TENM2: variants seen among roughly 807,000 people sequenced by gnomAD.
TENM2 encodes teneurin-2.
In TENM2, 52 loss-of-function variants were observed where a neutral mutation model predicts 245.2. That is an observed-to-expected ratio of 0.21 (90% CI 0.17 to 0.27). The LOEUF is 0.27. Among genes scored for constraint, TENM2 ranks in the 10% least tolerant of loss-of-function variants. TENM2 has a pLI of 1.00. For synonymous variants in TENM2, 1,363 were observed against 1,438.9 expected (o/e 0.95, Z 1.19); for missense variants, 3,046 against 3,666.8 (o/e 0.83, Z 4.37).
chr5:168,017,223 A>G (rs1337588072), intron 5 of TENM2, among the ~76,000 whole-genome samples: 1 of 152,170 alleles, frequency 6.6e-6, no homozygotes, highest in Non-Finnish European at 1.5e-5. Flanking sequence ...TGGGCTTCAG[A>G]TCTGTTCAGA....
chr5:167,401,703 C>T (rs2127386826), intron 2 of TENM2, among the ~76,000 whole-genome samples: 1 of 152,102 alleles, frequency 6.6e-6, no homozygotes, highest in East Asian at 1.9e-4. Flanking sequence ...CTAAGAAAAC[C>T]CCTATTTTCC....
the TENM2 span, among the ~76,000 whole-genome samples, chr5:167,229,890 A>G: frequency 2.6e-5 from 4 of 152,306 alleles, no homozygotes; most frequent in Admixed American, 6.5e-5. Context: ...GAACAGCTTT[A>G]GGAAGACAGC....
At position 167,990,743 on chromosome 5, in the gene TENM2, C is replaced by A. The variant is rs114947412; in HGVS notation, c.948-2201C>A. On this transcript the variant is annotated intron_variant, in intron 4 of 28. Transcript: ENST00000518659. ...CTTCTAGGCTTTATTTTAACATTAG[C>A]TGTGTTAAATAATTCACTAATCAGA... Among the ~76,000 whole-genome samples, 838 of 152,278 alleles carry A rather than the reference C, an allele frequency of 5.5e-3. 7 individuals are homozygous for A. Among genetic ancestry groups the A allele is most frequent in the African/African-American group, 0.018 (759 of 41,558 alleles).
chr5:167,885,555 G>C (rs1422453688), intron 3 of TENM2, among the ~76,000 whole-genome samples: 1 of 152,162 alleles, frequency 6.6e-6, no homozygotes, highest in Admixed American at 6.5e-5. Flanking sequence ...CATGGCTGTG[G>C]TGACATGAAA....
At chr5:168,262,255 C>T (rs1171706023) in exon 29 of TENM2, 11 of 1,606,134 alleles carry the variant, frequency 6.8e-6, no homozygotes, top group East Asian at 4.5e-5. Flanking sequence ...GCATCGCCAG[C>T]GAAGATAGCC....
At chr5:167,465,687 C>A (rs1469426333) in intron 2 of TENM2, among the ~76,000 whole-genome samples, 1 of 152,084 alleles carries the variant, frequency 6.6e-6, no homozygotes, top group Non-Finnish European at 1.5e-5. Flanking sequence ...AAAAATTAGC[C>A]GGGCTTGGTG....
intron 4 of TENM2, among the ~76,000 whole-genome samples, chr5:167,963,345 G>C (rs894117167): frequency 1.3e-5 from 2 of 152,178 alleles, no homozygotes; most frequent in East Asian, 3.9e-4. Flanking sequence ...GAGTTTATTG[G>C]TGTCAATTTC....
intron 2 of TENM2, among the ~76,000 whole-genome samples, chr5:167,397,117 G>A (rs1762097866): frequency 6.6e-6 from 1 of 152,122 alleles, no homozygotes; most frequent in Non-Finnish European, 1.5e-5. Flanking sequence ...CTAACACACT[G>A]TAAGAAATCT....
chr5:168,231,281 A>G (rs1764871395), intron 25 of TENM2, among the ~76,000 whole-genome samples: 1 of 152,240 alleles, frequency 6.6e-6, no homozygotes, highest in Non-Finnish European at 1.5e-5. Context: ...CCGTTTGACA[A>G]GAGATCAGGA....
chr5:167,997,264 C>T (rs1479287914), intron 5 of TENM2, among the ~76,000 whole-genome samples: 2 of 152,128 alleles, frequency 1.3e-5, no homozygotes, highest in African/African-American at 4.8e-5. Context: ...ACTTCTTTCT[C>T]CTCAAGATTG....
At chr5:168,119,188 C>T (rs1211234710) in intron 10 of TENM2, among the ~76,000 whole-genome samples, 61 of 152,150 alleles carry the variant, frequency 4.0e-4, no homozygotes, top group Admixed American at 3.7e-3. Flanking sequence ...GCAAGAGGGA[C>T]GGGATTTGAT....
At position 168,178,627 on chromosome 5, in the gene TENM2, G is replaced by A. The variant is rs190015560; in HGVS notation, c.2570-11710G>A. On this transcript the variant is annotated intron_variant, in intron 13 of 28. Transcript: ENST00000518659. ...TTCTGGGTTGAGAGTCAGCAGGGGC[G>A]GGACAGGGAGAGGAAAAGAAGGAAG... Among the ~76,000 whole-genome samples the A allele has an allele frequency of 3.1e-3, 477 of 152,264 alleles. 3 individuals carry two copies. Among genetic ancestry groups the A allele is most frequent in the Non-Finnish European group, 4.6e-3 (315 of 68,024 alleles).
At position 168,160,932 on chromosome 5, in the gene TENM2, G is replaced by A. The variant is rs142424755; in HGVS notation, c.2423-1679G>A. ...TGCAGTCCTAGCTACTGAGGAGGCT[G>A]AAGCAGGAGGATCACTCAAGCCCAG... On this transcript the variant is annotated intron_variant, in intron 12 of 28. Transcript: ENST00000518659. Among the ~76,000 whole-genome samples, 55 of 152,258 alleles carry A rather than the reference G, an allele frequency of 3.6e-4. 1 individual carries two copies. The East Asian group carries it at 8.9e-3, about 25-fold the overall frequency.
intron 2 of TENM2, among the ~76,000 whole-genome samples, chr5:167,664,838 A>C (rs184632644): frequency 6.6e-6 from 1 of 152,290 alleles, no homozygotes; most frequent in African/African-American, 2.4e-5. Flanking sequence ...GGCATCCCTA[A>C]CTGGGAAAGA....
intron 12 of TENM2, among the ~76,000 whole-genome samples, chr5:168,161,974 C>T (rs928067894): frequency 6.6e-6 from 1 of 152,116 alleles, no homozygotes; most frequent in African/African-American, 2.4e-5. Context: ...CCACAGCCTT[C>T]GAATCCTGCA....
At chr5:167,614,612 C>T (rs182746594) in intron 2 of TENM2, among the ~76,000 whole-genome samples, 22 of 152,088 alleles carry the variant, frequency 1.4e-4, no homozygotes, top group African/African-American at 5.1e-4. Flanking sequence ...TTTTAGGGTA[C>T]CTTCATAGGC....
chr5:167,070,707 T>A, the TENM2 span, among the ~76,000 whole-genome samples: 1 of 152,060 alleles, frequency 6.6e-6, no homozygotes, highest in South Asian at 2.1e-4. Flanking sequence ...ATGTGACTGT[T>A]AAGCGTTTTT....
intron 2 of TENM2, among the ~76,000 whole-genome samples, chr5:167,487,584 GC>G (rs1768154260): frequency 6.6e-6 from 1 of 152,158 alleles, no homozygotes; most frequent in East Asian, 1.9e-4. Context: ...TGTCTTTTCA[GC>G]CAGCTCTCAA....
chr5:167,413,872 G>A (rs755318231), intron 2 of TENM2, among the ~76,000 whole-genome samples: 2 of 152,152 alleles, frequency 1.3e-5, no homozygotes, highest in East Asian at 1.9e-4. Flanking sequence ...CTGCAAGACA[G>A]TACATTGATT....
Sources: allele counts gnomAD v4.1 joint callset (sites outside exome capture counted in the v4.1 genomes callset), GRCh38; gene constraint gnomAD v4.1.1; transcripts MANE v1.5; gene names NCBI Gene and HGNC (gene_info 2026-07-23, HGNC 2026-07-21).